The following ZNF683 variants were observed in gnomAD, a reference collection of about 807,000 sequenced individuals.
ZNF683 encodes tissue-resident T-cell transcription regulator protein ZNF683.
A neutral mutation model predicts 31.4 loss-of-function variants in ZNF683; 20 were observed. That is an observed-to-expected ratio of 0.64 (90% CI 0.45 to 0.93). The LOEUF (loss-of-function observed/expected upper bound fraction) is 0.93, where lower values mean the gene tolerates loss of function less well. Ranked by LOEUF, ZNF683 falls within the 40% of genes least tolerant of loss-of-function variation. ZNF683 has a pLI of 0.00. For synonymous variants in ZNF683, 264 were observed against 267.6 expected (o/e 0.99, Z 0.13); for missense variants, 621 against 637.2 (o/e 0.97, Z 0.27).
intron 5 of ZNF683, 76 bp from the exon 6 acceptor site, chr1:26,362,098 G>A: frequency 1.2e-6 from 2 of 1,613,568 alleles, no homozygotes; most frequent in East Asian, 2.2e-5. Context: ...CCTCATCTTG[G>A]AAATACCCAT....
chr1:26,369,537 G>A (rs902085801), intron 1 of ZNF683, among the ~76,000 whole-genome samples: 11 of 130,562 alleles, frequency 8.4e-5, no homozygotes, highest in African/African-American at 2.1e-4. Context: ...GTGTGGTGGC[G>A]CACGCCTGTA....
rs767162132 is a variant in ZNF683 at position 26,364,918 on chromosome 1, C to T, written c.628G>A (p.Ala210Thr). The change falls in exon 4 of 6, where the codon GCC (alanine) becomes ACC (threonine). Residue 210 changes from alanine to threonine, a missense_variant. Physicochemically the swap from Ala to Thr is moderately conservative, Grantham distance 58 (BLOSUM62 0). Coordinates refer to ENST00000349618, the MANE Select transcript of ZNF683 (RefSeq NM_001114759.3). ...TGGGGACATTGGTCAGAAGGTAGGG[C>T]CCCATAGGTGAACAGGTGGGGTGGA... ...LPPPHLFTYG[A>T]LPSDQCPHLL... 3 of 1,550,148 alleles carry T rather than the reference C, an allele frequency of 1.9e-6. No individual in the cohort carries two copies. The highest frequency in any genetic ancestry group is 1.4e-5 in the African/African-American group (1 of 72,788).
At chr1:26,370,759 TGA>T in intron 1 of ZNF683, 1 of 981,750 alleles carries the variant, frequency 1.0e-6, no homozygotes, top group South Asian at 4.7e-5. Context: ...CCAGTGGGAG[TGA>T]GAGATGGCAG....
intron 1 of ZNF683, chr1:26,370,617 G>A: frequency 2.0e-6 from 2 of 981,582 alleles, no homozygotes; most frequent in Non-Finnish European, 2.4e-6. Flanking sequence ...GCTGCTTCAG[G>A]TCTCAAAGCA....
chr1:26,364,648 A>G lies in ZNF683; in HGVS notation c.898T>C (p.Leu300=), dbSNP rs753637487. The G allele has an allele frequency of 1.1e-5, 18 of 1,613,920 alleles. No individual in the cohort carries two copies. The highest frequency in any genetic ancestry group is 9.9e-5 in the South Asian group (9 of 91,072). ...GMASPAKRVP[L]SSQTGTAALP... is the part of the protein sequence containing the mutation. ...GCTGCGGTGCCTGTCTGGGAACTCAATGGGACCCGCTTTGCTGGAGATGCC... is the reference window on the plus strand; with the variant it reads ...GCTGCGGTGCCTGTCTGGGAACTCAGTGGGACCCGCTTTGCTGGAGATGCC... Residue 300 remains leucine, a synonymous_variant, in exon 4 of 6, where the codon TTG becomes CTG. Transcript: ENST00000349618.
At chr1:26,369,194 A>C (rs2074604335) in intron 1 of ZNF683, among the ~76,000 whole-genome samples, 1 of 151,770 alleles carries the variant, frequency 6.6e-6, no homozygotes, top group Non-Finnish European at 1.5e-5. Flanking sequence ...GCAGTGAGCC[A>C]AGATCGTGCC....
rs1235819577 is a variant in ZNF683, at chr1:26,363,007, A to AG, written c.1143+18dup. On this transcript the variant is annotated intron_variant, in intron 5 of 5. Coordinates refer to ENST00000349618, the MANE Select transcript of ZNF683 (RefSeq NM_001114759.3). ...TCTCCAGCCTATAGGAGTACATAGTAGGGGGAGAAGGATCTCACCGAGCAC... is the reference window on the plus strand; with the variant it reads ...TCTCCAGCCTATAGGAGTACATAGTAGGGGGGAGAAGGATCTCACCGAGCAC... 1 of 1,601,424 alleles carries AG rather than the reference A, an allele frequency of 6.2e-7. No homozygotes were observed. The highest frequency in any genetic ancestry group is 8.5e-7 in the Non-Finnish European group (1 of 1,172,920).
Position 26,367,800 on chromosome 1 carries a change from G to A in ZNF683, c.115-3C>T. The A allele has an allele frequency of 6.4e-7, 1 of 1,572,412 alleles. No homozygotes were observed. The highest frequency in any genetic ancestry group is 1.3e-5 in the African/African-American group (1 of 74,262). On this transcript the variant is annotated splice_region_variant and splice_polypyrimidine_tract_variant and intron_variant, in intron 2 of 5. Coordinates refer to ENST00000349618, the MANE Select transcript of ZNF683 (RefSeq NM_001114759.3). The stretch of plus-strand genomic sequence containing the variant: ...AGTGGTCTGCAGGCTGAGAAGACCT[G>A]GAGGGCAGGGGCAAGGGGCTTGGGG...
chr1:26,370,539 AC>A, intron 1 of ZNF683: 1 of 591,200 alleles, frequency 1.7e-6, no homozygotes, highest in Non-Finnish European at 2.1e-6. Context: ...AGACCCTAAG[AC>A]CCTCACTCCA....
intron 1 of ZNF683, chr1:26,370,535 T>G (rs1252093697): frequency 3.1e-5 from 18 of 587,336 alleles, no homozygotes; most frequent in Non-Finnish European, 2.6e-5. Flanking sequence ...CCTCAGACCC[T>G]AAGACCCTCA....
intron 4 of ZNF683, 86 bp from the exon 5 acceptor site, chr1:26,363,240 C>G: frequency 2.0e-6 from 3 of 1,480,744 alleles, no homozygotes; most frequent in Non-Finnish European, 2.7e-6. Flanking sequence ...GCCCACTTCT[C>G]TCTCCCTCCC....
At chr1:26,363,286 C>G in intron 4 of ZNF683, 132 bp from the exon 5 acceptor site, 5 of 1,227,130 alleles carry the variant, frequency 4.1e-6, no homozygotes, top group Non-Finnish European at 5.6e-6. Context: ...CCCCAGGATA[C>G]TCTACTCTTT....
At position 26,364,919 on chromosome 1, in the gene ZNF683, C is replaced by T. The variant is rs2074481589; in HGVS notation, c.627G>A (p.Gly209=). 1 of 1,550,288 alleles carries T rather than the reference C, an allele frequency of 6.5e-7. No individual in the cohort carries two copies. Among genetic ancestry groups the T allele is most frequent in the Non-Finnish European group, 8.7e-7 (1 of 1,151,954 alleles). ...GGGGACATTGGTCAGAAGGTAGGGCCCCATAGGTGAACAGGTGGGGTGGAG... is the reference window on the plus strand; with the variant it reads ...GGGGACATTGGTCAGAAGGTAGGGCTCCATAGGTGAACAGGTGGGGTGGAG... The part of the protein sequence containing the change: ...LLPPPHLFTY[G]ALPSDQCPHL... The change falls in exon 4 of 6, where the codon GGG becomes GGA. Residue 209 remains glycine, a synonymous_variant. Transcript: ENST00000349618.
chr1:26,372,902 G>A (rs954141081), upstream of ZNF683: 47 of 1,050,366 alleles, frequency 4.5e-5, no homozygotes, highest in African/African-American at 7.2e-4. Flanking sequence ...TGCTCCATGT[G>A]GGAACCTGAG....
chr1:26,361,880 G>A lies in ZNF683; in HGVS notation c.1286C>T (p.Ala429Val). ...GTGCACCAGGCCACAGGGCTGTGGGGCATGCAGCCGATGGTGCAGCTTCAG... is the reference window on the plus strand; with the variant it reads ...GTGCACCAGGCCACAGGGCTGTGGGACATGCAGCCGATGGTGCAGCTTCAG... Reference protein sequence around the residue: ...IHLKLHHRLHAPQPCGLVHTQ... With the variant: ...IHLKLHHRLHVPQPCGLVHTQ... Residue 429 changes from alanine (A) to valine (V), a missense_variant, in exon 6 of 6, where the codon GCC (alanine) becomes GTC (valine). Ala to Val is a moderately conservative substitution (Grantham distance 64, BLOSUM62 0). Transcript: ENST00000349618. 1 of 1,614,022 alleles carries A rather than the reference G, an allele frequency of 6.2e-7. No individual in the cohort carries two copies. The highest frequency in any genetic ancestry group is 8.5e-7 in the Non-Finnish European group (1 of 1,179,908).
At chr1:26,369,171 G>A (rs1253460541) in intron 1 of ZNF683, among the ~76,000 whole-genome samples, 2 of 151,878 alleles carry the variant, frequency 1.3e-5, no homozygotes, top group Admixed American at 6.6e-5. Flanking sequence ...CTTGAACCTG[G>A]GAGGTGGAGG....
chr1:26,373,014 G>T (rs898253040), upstream of ZNF683, among the ~76,000 whole-genome samples: 3 of 152,200 alleles, frequency 2.0e-5, no homozygotes. Flanking sequence ...AAATTCTGGT[G>T]TGCGTGAGTC....
chr1:26,371,611 A>C (rs1175626853), intron 1 of ZNF683, among the ~76,000 whole-genome samples: 18 of 149,282 alleles, frequency 1.2e-4, no homozygotes, highest in Non-Finnish European at 2.4e-4. Flanking sequence ...TTAAAAAAAA[A>C]AAAAATAGAC....
At chr1:26,368,728 A>G in intron 1 of ZNF683, 143 bp from the exon 2 acceptor site, 1 of 919,692 alleles carries the variant, frequency 1.1e-6, no homozygotes, top group Non-Finnish European at 1.5e-6. Flanking sequence ...TATCCGCAAA[A>G]TGGGAAGGTT....
Sources: gnomAD v4.1 joint callset for allele counts (sites outside exome capture counted in the v4.1 genomes callset) on GRCh38, gnomAD v4.1.1 for gene constraint, MANE v1.5 for transcripts, NCBI Gene and HGNC (gene_info 2026-07-23, HGNC 2026-07-21) for gene names.